Variants in CNTNAP2 observed in about 807,000 individuals in gnomAD.
CNTNAP2 encodes the protein contactin associated protein 2.
In CNTNAP2, 98 loss-of-function variants were observed where a neutral mutation model predicts 155.2. The observed-to-expected ratio is 0.63, with a 90% confidence interval of 0.54 to 0.75. The LOEUF (loss-of-function observed/expected upper bound fraction) is 0.75, where lower values mean the gene tolerates loss of function less well. Ranked by LOEUF, CNTNAP2 falls within the 30% of genes least tolerant of loss-of-function variation. The pLI is 0.00. For missense variants in CNTNAP2, 1,727 were observed against 1,688.1 expected (o/e 1.02, Z -0.40); for synonymous variants, 651 against 631.2 (o/e 1.03, Z -0.47).
intron 10 of CNTNAP2, among the ~76,000 whole-genome samples, chr7:147,437,103 T>G (rs541110010): frequency 6.6e-5 from 10 of 152,010 alleles, no homozygotes; most frequent in African/African-American, 2.4e-4. Context: ...GGTTTTCACA[T>G]AGTTTTAATC....
At chr7:147,674,673 A>G (rs745943868) in intron 13 of CNTNAP2, among the ~76,000 whole-genome samples, 7 of 152,172 alleles carry the variant, frequency 4.6e-5, no homozygotes, top group Non-Finnish European at 8.8e-5. Context: ...CTTCATCATG[A>G]TAAGATTCAA....
At chr7:147,138,098 G>T (rs751148828) in intron 8 of CNTNAP2, among the ~76,000 whole-genome samples, 1 of 151,636 alleles carries the variant, frequency 6.6e-6, no homozygotes, top group South Asian at 2.1e-4. Flanking sequence ...TTAGATTTTT[G>T]TACCTTTTGA....
At chr7:146,484,755 A>G (rs1349854826) in intron 1 of CNTNAP2, among the ~76,000 whole-genome samples, 5 of 152,190 alleles carry the variant, frequency 3.3e-5, no homozygotes, top group Non-Finnish European at 7.4e-5. Context: ...GCTACACCCC[A>G]TGATTAGAGA....
At chr7:146,226,426 A>C (rs1799293989) in intron 1 of CNTNAP2, among the ~76,000 whole-genome samples, 2 of 152,164 alleles carry the variant, frequency 1.3e-5, no homozygotes, top group Admixed American at 1.3e-4. Flanking sequence ...TGGGAGGCTG[A>C]GGTGGGAGGA....
At chr7:148,381,296 T>C (rs1351377939) in intron 21 of CNTNAP2, 1 of 152,222 alleles carries the variant, frequency 6.6e-6, no homozygotes, top group Non-Finnish European at 1.5e-5. Flanking sequence ...GTGACAGCCT[T>C]TTGTAGCCAC....
intron 3 of CNTNAP2, among the ~76,000 whole-genome samples, chr7:146,916,755 T>C (rs899432731): frequency 2.0e-5 from 3 of 152,170 alleles, no homozygotes; most frequent in African/African-American, 7.2e-5. Flanking sequence ...TTATTTATCT[T>C]TTCAAAGAAC....
chr7:146,340,168 CA>C (rs1195946572), intron 1 of CNTNAP2, among the ~76,000 whole-genome samples: 4,808 of 54,886 alleles, frequency 0.088, 59 homozygotes, highest in African/African-American at 0.18. Context: ...GACTCCGCCT[CA>C]AAAAAAAAAA....
At chr7:146,930,758 A>G (rs1796733167) in intron 3 of CNTNAP2, among the ~76,000 whole-genome samples, 1 of 152,288 alleles carries the variant, frequency 6.6e-6, no homozygotes, top group Admixed American at 6.5e-5. Context: ...AAGCAAATGG[A>G]AAACAAAAAA....
intron 1 of CNTNAP2, among the ~76,000 whole-genome samples, chr7:146,281,567 C>T (rs900485580): frequency 1.3e-5 from 2 of 152,010 alleles, no homozygotes; most frequent in Non-Finnish European, 2.9e-5. Context: ...GAGGCTGAGG[C>T]GGGTGGATCA....
intron 1 of CNTNAP2, among the ~76,000 whole-genome samples, chr7:146,743,456 G>A (rs771346792): frequency 5.9e-5 from 9 of 152,064 alleles, no homozygotes; most frequent in Non-Finnish European, 1.2e-4. Context: ...CTAGTGATTC[G>A]ACCAAATTAT....
intron 12 of CNTNAP2, among the ~76,000 whole-genome samples, chr7:147,600,700 G>C (rs1800926456): frequency 6.6e-6 from 1 of 151,934 alleles, no homozygotes; most frequent in African/African-American, 2.4e-5. Flanking sequence ...CATTCTGCAG[G>C]GTACTGTGTT....
chr7:148,240,298 T>C (rs532020433), intron 20 of CNTNAP2, among the ~76,000 whole-genome samples: 2 of 152,322 alleles, frequency 1.3e-5, no homozygotes, highest in Non-Finnish European at 2.9e-5. Context: ...GGAGAAAAGA[T>C]GTGTCCAGTC....
At chr7:146,300,492 G>C (rs924280841) in intron 1 of CNTNAP2, among the ~76,000 whole-genome samples, 2 of 151,906 alleles carry the variant, frequency 1.3e-5, no homozygotes, top group Admixed American at 6.6e-5. Flanking sequence ...TAAAATTGAA[G>C]AACAGCTTAC....
At chr7:147,740,990 C>T (rs1239498645) in intron 13 of CNTNAP2, among the ~76,000 whole-genome samples, 1 of 152,158 alleles carries the variant, frequency 6.6e-6, no homozygotes, top group African/African-American at 2.4e-5. Flanking sequence ...TTTTCCCACC[C>T]CCAATGGTCA....
At chr7:147,680,167 G>A (rs927320410) in intron 13 of CNTNAP2, among the ~76,000 whole-genome samples, 1 of 151,830 alleles carries the variant, frequency 6.6e-6, no homozygotes, top group Admixed American at 6.6e-5. Context: ...CACAGGTTCA[G>A]GGGACTATGT....
intron 1 of CNTNAP2, among the ~76,000 whole-genome samples, chr7:146,436,292 C>A (rs1447061526): frequency 6.6e-6 from 1 of 152,086 alleles, no homozygotes; most frequent in African/African-American, 2.4e-5. Flanking sequence ...GATTAATAAT[C>A]AGTGTCTACA....
chr7:146,525,060 A>T (rs2129138011), intron 1 of CNTNAP2, among the ~76,000 whole-genome samples: 1 of 152,260 alleles, frequency 6.6e-6, no homozygotes, highest in Non-Finnish European at 1.5e-5. Flanking sequence ...TAGAATAAAA[A>T]GTATAGAAGG....
chr7:146,483,282 A>AAAAAT (rs1178407767), intron 1 of CNTNAP2, among the ~76,000 whole-genome samples: 29 of 39,878 alleles, frequency 7.3e-4, no homozygotes, highest in South Asian at 2.5e-3. Context: ...TCTAAAAAAA[A>AAAAAT]ATATATATAT....
intron 12 of CNTNAP2, among the ~76,000 whole-genome samples, chr7:147,598,507 T>C (rs1192039367): frequency 6.6e-6 from 1 of 152,206 alleles, no homozygotes; most frequent in Non-Finnish European, 1.5e-5. Context: ...GCAAAGGACA[T>C]GAACTCATTC....
Sources: gnomAD v4.1 joint callset for allele counts (sites outside exome capture counted in the v4.1 genomes callset) on GRCh38, gnomAD v4.1.1 for gene constraint, MANE v1.5 for transcripts, NCBI Gene and HGNC (gene_info 2026-07-23, HGNC 2026-07-21) for gene names.